Variants in PHLPP2 observed in about 807,000 individuals in gnomAD.
The protein encoded by PHLPP2 is PH domain leucine-rich repeat-containing protein phosphatase 2.
A neutral mutation model predicts 124.9 loss-of-function variants in PHLPP2; 66 were observed. That is an observed-to-expected ratio of 0.53 (90% CI 0.43 to 0.65). The LOEUF (loss-of-function observed/expected upper bound fraction) is 0.65, where lower values mean the gene tolerates loss of function less well. Among genes scored for constraint, PHLPP2 ranks in the 30% least tolerant of loss-of-function variants. PHLPP2 has a pLI of 0.00. For missense variants in PHLPP2, 1,685 were observed against 1,600.4 expected (o/e 1.05, Z -0.90); for synonymous variants, 681 against 624.7 (o/e 1.09, Z -1.34).
intron 14 of PHLPP2, 31 bp from the exon 15 acceptor site, chr16:71,658,394 T>C: frequency 6.3e-7 from 1 of 1,598,868 alleles, no homozygotes; most frequent in Non-Finnish European, 8.6e-7. Context: ...CAAAAGAAAA[T>C]ACATCACAGA....
chr16:71,695,254 T>TA (rs1176708198), intron 3 of PHLPP2, among the ~76,000 whole-genome samples: 5 of 152,236 alleles, frequency 3.3e-5, no homozygotes, highest in Non-Finnish European at 7.3e-5. Context: ...ATTTCATTCT[T>TA]AGAGATCACT....
At chr16:71,702,789 T>A in intron 2 of PHLPP2, 58 bp from the exon 3 acceptor site, 1 of 1,233,378 alleles carries the variant, frequency 8.1e-7, no homozygotes, top group Non-Finnish European at 1.1e-6. Flanking sequence ...ATGGTTCATT[T>A]AATTTTTTAG....
At chr16:71,720,947 A>G (rs1228080178) in intron 1 of PHLPP2, among the ~76,000 whole-genome samples, 1 of 152,184 alleles carries the variant, frequency 6.6e-6, no homozygotes, top group East Asian at 1.9e-4. Context: ...AAAACAATAT[A>G]GACTCATATC....
intron 10 of PHLPP2, among the ~76,000 whole-genome samples, chr16:71,671,996 A>G (rs1482713753): frequency 1.3e-5 from 2 of 152,214 alleles, no homozygotes; most frequent in Non-Finnish European, 2.9e-5. Flanking sequence ...TGCCTTGAAG[A>G]TAACAGGTCT....
chr16:71,661,556 G>A (rs966554585), intron 13 of PHLPP2, among the ~76,000 whole-genome samples: 1 of 152,018 alleles, frequency 6.6e-6, no homozygotes. Context: ...GAACATATTT[G>A]AGGTCAATTA....
intron 3 of PHLPP2, among the ~76,000 whole-genome samples, chr16:71,695,022 T>G (rs924112501): frequency 6.6e-6 from 1 of 152,084 alleles, no homozygotes; most frequent in Non-Finnish European, 1.5e-5. Context: ...CCCGACCTCA[T>G]GATCCGCCCG....
rs188714718 is a variant in PHLPP2, at chr16:71,701,523, T to A, written c.418+1075A>T. 4.9e-3 allele frequency among the ~76,000 whole-genome samples: 740 copies of A among 152,322 alleles called. 4 individuals carry two copies. Among genetic ancestry groups the A allele is most frequent in the Non-Finnish European group, 7.7e-3 (522 of 68,030 alleles). ...ACTACAAACTGGTACTCTTTTAGACTCTACTGGAAATATCCTCTTAAGGGT... is the reference window on the plus strand; with the variant it reads ...ACTACAAACTGGTACTCTTTTAGACACTACTGGAAATATCCTCTTAAGGGT... On this transcript the variant is annotated intron_variant, in intron 3 of 18. Coordinates refer to ENST00000568954, the MANE Select transcript of PHLPP2 (RefSeq NM_015020.3).
rs1316066757 is a variant in PHLPP2, at chr16:71,646,974, G to A, written c.*1916C>T. 3 of 152,560 alleles carry A rather than the reference G, an allele frequency of 2.0e-5. No individual in the cohort carries two copies. Among genetic ancestry groups the A allele is most frequent in the African/African-American group, 7.2e-5 (3 of 41,428 alleles). 9.5% of individuals were successfully genotyped at this position (152,560 alleles called of 1,614,324 possible). A position where few individuals can be genotyped will look rare whatever the true frequency, so the allele number is the denominator to read the frequency against. ...GTGCATATGAGCATGGGGCCTCTGA[G>A]AAGATGAAGACACATAATTATTATG... is the stretch of plus-strand genomic sequence containing the variant. On this transcript the variant is annotated 3_prime_UTR_variant, in exon 19 of 19. Transcript: ENST00000568954.
chr16:71,679,077 T>C (rs1374881603), intron 7 of PHLPP2, 92 bp from the exon 8 acceptor site: 7 of 727,952 alleles, frequency 9.6e-6, no homozygotes, highest in African/African-American at 1.8e-5. Flanking sequence ...ATGTCACTAA[T>C]TTATTATCAA....
chr16:71,690,800 C>A, intron 3 of PHLPP2, 91 bp from the exon 4 acceptor site: 2 of 840,188 alleles, frequency 2.4e-6, no homozygotes, highest in Non-Finnish European at 3.8e-6. Flanking sequence ...CAACATTCAA[C>A]AACCTTATTT....
In PHLPP2 at chr16:71,658,258, C is replaced by G. The variant is rs1234551253; in HGVS notation, c.2254G>C (p.Glu752Gln). Reference protein sequence around the residue: ...DLTGNTNLVLEHKTLDIFSHI... With the variant: ...DLTGNTNLVLQHKTLDIFSHI... ...CTAAATATGTCCAGTGTCTTGTGTT[C>G]CAGAACCAGATTTGTATTTCCAGTC... Residue 752 changes from glutamate to glutamine, a missense_variant, in exon 15 of 19, where the codon GAA (glutamate) becomes CAA (glutamine). Physicochemically the swap from Glu to Gln is conservative, Grantham distance 29. Transcript: ENST00000568954. 1.9e-6 allele frequency: 3 copies of G among 1,613,820 alleles called. No homozygotes were observed. The highest frequency in any genetic ancestry group is 1.7e-6 in the Non-Finnish European group (2 of 1,179,864).
chr16:71,656,640 G>A lies in PHLPP2; in HGVS notation c.2321C>T (p.Thr774Ile). The A allele has an allele frequency of 6.2e-7, 1 of 1,613,606 alleles. No individual in the cohort carries two copies. Among genetic ancestry groups the A allele is most frequent in the South Asian group, 1.1e-5 (1 of 91,070 alleles). ...TLKIDQKPLPTTDSTVTSTFW... is the reference protein window; with the variant it reads ...TLKIDQKPLPITDSTVTSTFW... ...GGTTGACGTAACTGTAGAATCTGTG[G>A]TTGGCAAAGGTTTCTGATCAATTTT... The change falls in exon 16 of 19, where the codon ACC (threonine) becomes ATC (isoleucine). Residue 774 changes from threonine to isoleucine, a missense_variant. By Grantham distance (89) the Thr-to-Ile change is moderately conservative. Transcript: ENST00000568954.
chr16:71,688,348 G>A (rs1404876041), intron 4 of PHLPP2, among the ~76,000 whole-genome samples: 1 of 152,152 alleles, frequency 6.6e-6, no homozygotes, highest in Non-Finnish European at 1.5e-5. Flanking sequence ...CTCTTTGTCT[G>A]ATCTAGAGTT....
In PHLPP2 at chr16:71,718,594, C is replaced by A. The variant is rs199659147; in HGVS notation, c.-6-3793G>T. Among the ~76,000 whole-genome samples, 695 of 143,356 alleles carry A rather than the reference C, an allele frequency of 4.8e-3. 9 individuals are homozygous for A. The highest frequency in any genetic ancestry group is 0.033 in the East Asian group (161 of 4,890). 94.0% of individuals were successfully genotyped at this position (143,356 alleles called of 152,430 possible). ...GACTCTATCTCAAAAAAAAAAAAAACAAAACACATGCCTGTAATCCCAGCA... is the reference window on the plus strand; with the variant it reads ...GACTCTATCTCAAAAAAAAAAAAAAAAAAACACATGCCTGTAATCCCAGCA... On this transcript the variant is annotated intron_variant, in intron 1 of 18. Coordinates refer to ENST00000568954, the MANE Select transcript of PHLPP2 (RefSeq NM_015020.3).
Position 71,700,108 on chromosome 16 carries a change from T to C in PHLPP2, c.418+2490A>G, listed in dbSNP as rs574227996. On this transcript the variant is annotated intron_variant, in intron 3 of 18. Coordinates refer to ENST00000568954, the MANE Select transcript of PHLPP2 (RefSeq NM_015020.3). ...AAAATATCCTGCATCAGTTTTATTA[T>C]AGATCCGGCTGCTCACAGTGGCTCG... Among the ~76,000 whole-genome samples the C allele has an allele frequency of 2.0e-5, 3 of 152,288 alleles. No homozygotes were observed. The South Asian group carries it at 6.2e-4, about 32-fold the overall frequency.
chr16:71,677,760 T>C (rs1021433223), intron 8 of PHLPP2: 2 of 151,902 alleles, frequency 1.3e-5, no homozygotes, highest in African/African-American at 2.4e-5. Context: ...AATAAAACTC[T>C]CATAAAAAGT....
rs76276762 is a variant in PHLPP2, at chr16:71,683,413, C to T, written c.735+1063G>A. Among the ~76,000 whole-genome samples, 825 of 152,290 alleles carry T rather than the reference C, an allele frequency of 5.4e-3. 51 individuals carry two copies. In the East Asian group the frequency reaches 0.13, roughly 23 times the overall value. On this transcript the variant is annotated intron_variant, in intron 5 of 18. Coordinates refer to ENST00000568954, the MANE Select transcript of PHLPP2 (RefSeq NM_015020.3). ...GGTCACTGTCCCATCAATAACTGCA[C>T]ATTTGAAGTAATTCACCAAGGCTGT...
chr16:71,723,935 G>C (rs1389153973), intron 1 of PHLPP2: 55 of 545,244 alleles, frequency 1.0e-4, no homozygotes, highest in Non-Finnish European at 1.2e-4. Context: ...CGGCGCGCGC[G>C]AGCAACCGGT....
At position 71,645,767 on chromosome 16, in the gene PHLPP2, T is replaced by G. The variant is rs529213448; in HGVS notation, c.*3123A>C. On this transcript the variant is annotated 3_prime_UTR_variant, in exon 19 of 19. Coordinates refer to ENST00000568954, the MANE Select transcript of PHLPP2 (RefSeq NM_015020.3). ...TCACCAATGTATTGCACACATACAC[T>G]TCACAGTAGTACAATAAAGCCCTGT... 4 of 153,214 alleles carry G rather than the reference T, an allele frequency of 2.6e-5. No individual in the cohort carries two copies. In the East Asian group the frequency reaches 7.7e-4, roughly 30 times the overall value. The allele number at this position is 153,214 out of a possible 1,614,324, so 9.5% of individuals were successfully genotyped here. A position where few individuals can be genotyped will look rare whatever the true frequency, so the allele number is the denominator to read the frequency against.
Sources: allele counts gnomAD v4.1 joint callset (sites outside exome capture counted in the v4.1 genomes callset), GRCh38; gene constraint gnomAD v4.1.1; transcripts MANE v1.5; gene names NCBI Gene and HGNC (gene_info 2026-07-23, HGNC 2026-07-21).